GET4: variants seen among roughly 807,000 people sequenced by gnomAD.
The protein encoded by GET4 is Golgi to ER traffic protein 4 homolog.
A neutral mutation model predicts 40.0 loss-of-function variants in GET4; 20 were observed. The ratio of observed to expected loss-of-function variants is 0.50; its 90% CI spans 0.35 to 0.73. The LOEUF (loss-of-function observed/expected upper bound fraction) is 0.73. GET4 is among the 30% of genes least tolerant of loss of function. The pLI, the probability that GET4 is intolerant of heterozygous loss-of-function variation, is 0.01. For missense variants in GET4, 557 were observed against 454.0 expected, an observed-to-expected ratio of 1.23 and a Z score of -2.06; for synonymous variants, 280 against 194.6, an observed-to-expected ratio of 1.44 and a Z score of -3.65.
In GET4 at chr7:884,218, G is replaced by A. The variant is rs76780037; in HGVS notation, c.156-1838G>A. The stretch of plus-strand genomic sequence containing the variant: ...AGGGTCGGTGCATGCGGTTCTGCCC[G>A]TGGCCCCACTGGCGGCATCGTGAGG... On this transcript the variant is annotated intron_variant, in intron 1 of 8. Transcript: ENST00000265857. 0.012 allele frequency: 15,227 copies of A among 1,303,832 alleles called. 367 individuals carry two copies. The East Asian group carries it at 0.14, about 12-fold the overall frequency. 80.8% of individuals were successfully genotyped at this position (1,303,832 alleles called of 1,614,324 possible). A position where few individuals can be genotyped will look rare whatever the true frequency, so the allele number is the denominator to read the frequency against.
chr7:888,242 T>C (rs1844234550), intron 4 of GET4, among the ~76,000 whole-genome samples: 1 of 152,186 alleles, frequency 6.6e-6, no homozygotes, highest in Non-Finnish European at 1.5e-5. Context: ...AGGCCTTTGC[T>C]CTAGAGTTCC....
chr7:877,439 C>T (rs1386821728), intron 1 of GET4, among the ~76,000 whole-genome samples: 1 of 107,324 alleles, frequency 9.3e-6, no homozygotes, highest in Non-Finnish European at 2.0e-5. Context: ...GCCCTCACTC[C>T]CGTCTCTCTA....
intron 1 of GET4, chr7:881,861 G>C (rs751321039): frequency 6.6e-6 from 1 of 152,170 alleles, no homozygotes; most frequent in East Asian, 1.9e-4. Flanking sequence ...AGTGTGTGTT[G>C]TTGGCCCCTT....
chr7:884,516 C>T (rs1245309887), intron 1 of GET4: 14 of 411,824 alleles, frequency 3.4e-5, no homozygotes, highest in Non-Finnish European at 6.2e-5. Flanking sequence ...GCTTTTCCCT[C>T]CTGGTGCCCT....
chr7:886,661 G>C lies in GET4; in HGVS notation c.316+11G>C, dbSNP rs369634270. ...CTGACGAGCTGCTGGGTGAGCATCC[G>C]GCCCTTCACCCCGGGACCCTGTGAC... On this transcript the variant is annotated intron_variant, in intron 3 of 8. Transcript: ENST00000265857. The C allele has an allele frequency of 1.3e-6, 2 of 1,592,888 alleles. No homozygotes were observed. Among genetic ancestry groups the C allele is most frequent in the Non-Finnish European group, 1.7e-6 (2 of 1,162,600 alleles).
In GET4 at chr7:876,773, A is replaced by T; in HGVS notation, c.128A>T (p.His43Leu). ...GAGAAGGGCGACTACTACGAGGCGCACCAGATGTACCGGACCCTGTTCTTC... is the reference window on the plus strand; with the variant it reads ...GAGAAGGGCGACTACTACGAGGCGCTCCAGATGTACCGGACCCTGTTCTTC... ...SVEKGDYYEA[H>L]QMYRTLFFRY... Residue 43 changes from histidine (H) to leucine (L), a missense_variant, in exon 1 of 9, where the codon CAC becomes CTC. Physicochemically the swap from His to Leu is moderately conservative, Grantham distance 99. Transcript: ENST00000265857. 7.5e-7 allele frequency: 1 copy of T among 1,329,814 alleles called. No homozygotes were observed. 82.4% of individuals were successfully genotyped at this position (1,329,814 alleles called of 1,614,324 possible).
Position 893,133 on chromosome 7 carries a change from G to C in GET4, c.747-607G>C, listed in dbSNP as rs1361803340. Among the ~76,000 whole-genome samples, 26 of 105,744 alleles carry C rather than the reference G, an allele frequency of 2.5e-4. No individual in the cohort carries two copies. The Admixed American group carries it at 2.6e-3, about 11-fold the overall frequency. The allele number at this position is 105,744 out of a possible 152,430, so 69.4% of individuals were successfully genotyped here. A position where few individuals can be genotyped will look rare whatever the true frequency, so the allele number is the denominator to read the frequency against. On this transcript the variant is annotated intron_variant, in intron 6 of 8. Coordinates refer to ENST00000265857, the MANE Select transcript of GET4 (RefSeq NM_015949.3). ...CAGGCAAGTGTTGGGTGTAGGCGTG[G>C]TGTGTGCAGGTGAGTGTTGGGTGTA...
At chr7:878,978 C>CG in intron 1 of GET4, among the ~76,000 whole-genome samples, 1 of 45,062 alleles carries the variant, frequency 2.2e-5, no homozygotes, top group East Asian at 1.4e-3. Context: ...CCACAGACAC[C>CG]CCCCCCCGAG....
At position 886,042 on chromosome 7, in the gene GET4, C is replaced by A; in HGVS notation, c.156-14C>A. On this transcript the variant is annotated splice_polypyrimidine_tract_variant and intron_variant, in intron 1 of 8. Transcript: ENST00000265857. Reference sequence around the variant, plus strand: ...GGCACGTGGGCGTGGCTCACGGTCTCCTCTCTGTGGCAGGTACATGTCCCA... The same window carrying A: ...GGCACGTGGGCGTGGCTCACGGTCTACTCTCTGTGGCAGGTACATGTCCCA... 2 of 1,556,296 alleles carry A rather than the reference C, an allele frequency of 1.3e-6. No homozygotes were observed. The highest frequency in any genetic ancestry group is 1.8e-6 in the Non-Finnish European group (2 of 1,128,716).
intron 1 of GET4, among the ~76,000 whole-genome samples, chr7:879,096 C>T (rs535864002): frequency 6.6e-6 from 1 of 152,194 alleles, no homozygotes; most frequent in Non-Finnish European, 1.5e-5. Context: ...TCCCTGAAGA[C>T]CCTCTGCTGG....
At chr7:880,042 A>G (rs944400731) in intron 1 of GET4, 1 of 152,248 alleles carries the variant, frequency 6.6e-6, no homozygotes, top group African/African-American at 2.4e-5. Flanking sequence ...GAATTTGTAT[A>G]TAAATATTTG....
chr7:886,403 C>T (rs1293286335), intron 2 of GET4, 166 bp from the exon 3 acceptor site: 5 of 635,708 alleles, frequency 7.9e-6, no homozygotes, highest in South Asian at 1.9e-5. Context: ...TGATTCTCGG[C>T]CAGGAGCTCT....
intron 8 of GET4, among the ~76,000 whole-genome samples, chr7:894,919 T>G (rs1231013678): frequency 6.6e-6 from 1 of 152,174 alleles, no homozygotes; most frequent in African/African-American, 2.4e-5. Flanking sequence ...ATCCAGTTGA[T>G]TCATGTGTCA....
chr7:884,231 C>T (rs997555819), intron 1 of GET4: 16 of 1,303,902 alleles, frequency 1.2e-5, no homozygotes, highest in African/African-American at 1.1e-4. Flanking sequence ...GCCCCACTGG[C>T]GGCATCGTGA....
At chr7:890,831 C>T (rs1844303469) in intron 4 of GET4, 97 bp from the exon 5 acceptor site, 6 of 990,488 alleles carry the variant, frequency 6.1e-6, no homozygotes, top group Non-Finnish European at 9.6e-6. Flanking sequence ...CCAGGGCGGG[C>T]AGGTGGGCTA....
Position 876,610 on chromosome 7 carries a change from T to C in GET4, c.-36T>C. The C allele has an allele frequency of 1.7e-6, 2 of 1,167,548 alleles. No homozygotes were observed. The highest frequency in any genetic ancestry group is 2.1e-6 in the Non-Finnish European group (2 of 942,044). 72.3% of individuals were successfully genotyped at this position (1,167,548 alleles called of 1,614,324 possible). Reference sequence around the variant, plus strand: ...GCCGGGAGGCGCTGCCGACCGCGCCTGCGACAGCGTCAGCCCTGCGCGGAG... The same window carrying C: ...GCCGGGAGGCGCTGCCGACCGCGCCCGCGACAGCGTCAGCCCTGCGCGGAG... On this transcript the variant is annotated 5_prime_UTR_variant, in exon 1 of 9. Coordinates refer to ENST00000265857, the MANE Select transcript of GET4 (RefSeq NM_015949.3).
intron 4 of GET4, 70 bp downstream of exon 4, chr7:887,589 A>G (rs1844217393): frequency 1.6e-6 from 2 of 1,222,508 alleles, no homozygotes; most frequent in South Asian, 1.8e-5. Flanking sequence ...GTGCGTTCCA[A>G]TACATCAGGG....
intron 5 of GET4, among the ~76,000 whole-genome samples, 196 bp from the exon 6 acceptor site, chr7:892,082 C>T (rs566848732): frequency 1.8e-4 from 27 of 152,390 alleles, no homozygotes; most frequent in African/African-American, 6.5e-4. Flanking sequence ...ATTCTCTTCA[C>T]CTGTGAATTG....
chr7:892,601 G>A, intron 6 of GET4, 183 bp downstream of exon 6: 1 of 573,148 alleles, frequency 1.7e-6, no homozygotes, highest in Non-Finnish European at 3.1e-6. Context: ...CAGGTCTGTT[G>A]GGTGTAGACA....
Sources: gnomAD v4.1 joint callset for allele counts (sites outside exome capture counted in the v4.1 genomes callset) on GRCh38, gnomAD v4.1.1 for gene constraint, MANE v1.5 for transcripts, NCBI Gene and HGNC (gene_info 2026-07-23, HGNC 2026-07-21) for gene names.